SLIT2: variants seen among roughly 807,000 people sequenced by gnomAD.
SLIT2 encodes the protein slit homolog 2 protein.
A neutral mutation model predicts 185.7 loss-of-function variants in SLIT2; 41 were observed. The ratio of observed to expected loss-of-function variants is 0.22; its 90% CI spans 0.17 to 0.29. The LOEUF is 0.29. Among genes scored for constraint, SLIT2 ranks in the 10% least tolerant of loss-of-function variants. The pLI is 1.00. For missense variants in SLIT2, 1,571 were observed against 1,909.0 expected (o/e 0.82, Z 3.30); for synonymous variants, 693 against 680.2 (o/e 1.02, Z -0.29).
chr4:20,348,911 T>C (rs1366171065), intron 4 of SLIT2, among the ~76,000 whole-genome samples: 1 of 152,190 alleles, frequency 6.6e-6, no homozygotes, highest in Non-Finnish European at 1.5e-5. Context: ...TTAAGTCATA[T>C]GGCTGCTTCT....
At chr4:20,520,891 A>G (rs1720782647) in intron 12 of SLIT2, among the ~76,000 whole-genome samples, 2 of 152,130 alleles carry the variant, frequency 1.3e-5, no homozygotes, top group South Asian at 2.1e-4. Context: ...TAATGACTTT[A>G]TTTGGGTTTC....
chr4:20,490,701 A>T (rs911054348), intron 8 of SLIT2: 2 of 826,866 alleles, frequency 2.4e-6, no homozygotes, highest in Non-Finnish European at 3.9e-6. Context: ...GAATGTTCTC[A>T]ATATGTCTGA....
intron 4 of SLIT2, among the ~76,000 whole-genome samples, chr4:20,393,901 A>T (rs1725661432): frequency 6.6e-6 from 1 of 152,068 alleles, no homozygotes; most frequent in Non-Finnish European, 1.5e-5. Flanking sequence ...GATCACAGAG[A>T]CTGAGGGCAG....
chr4:20,423,274 A>G (rs1386429490), intron 4 of SLIT2, among the ~76,000 whole-genome samples: 1 of 152,136 alleles, frequency 6.6e-6, no homozygotes, highest in African/African-American at 2.4e-5. Context: ...TAAAAACCAG[A>G]AAAGGAGACT....
intron 5 of SLIT2, among the ~76,000 whole-genome samples, chr4:20,473,636 A>G (rs1054224778): frequency 6.6e-6 from 1 of 152,026 alleles, no homozygotes; most frequent in Non-Finnish European, 1.5e-5. Context: ...ATTAGAACCC[A>G]TAGAAGGAAA....
rs114793388 is a variant in SLIT2 at position 20,349,250 on chromosome 4, G to C, written c.395+80369G>C. On this transcript the variant is annotated intron_variant, in intron 4 of 36. Transcript: ENST00000504154. ...TAGTTCCAAATGATGTAAGATTTAC[G>C]TCCTTACTATTAAGTAGCTGTTTGA... 4.6e-3 allele frequency among the ~76,000 whole-genome samples: 694 copies of C among 152,258 alleles called. 10 individuals are homozygous for C. Among genetic ancestry groups the C allele is most frequent in the African/African-American group, 0.016 (674 of 41,554 alleles).
At chr4:20,395,966 A>C (rs2109382928) in intron 4 of SLIT2, among the ~76,000 whole-genome samples, 1 of 152,082 alleles carries the variant, frequency 6.6e-6, no homozygotes, top group South Asian at 2.1e-4. Flanking sequence ...TATAAGTAAA[A>C]TAGTATTTTT....
chr4:20,333,408 A>C (rs923657124), intron 4 of SLIT2, among the ~76,000 whole-genome samples: 2 of 151,784 alleles, frequency 1.3e-5, no homozygotes, highest in African/African-American at 2.4e-5. Flanking sequence ...TTCTTTAAGC[A>C]CTCTTTTTTT....
intron 18 of SLIT2, among the ~76,000 whole-genome samples, chr4:20,537,766 A>G (rs1306674822): frequency 3.9e-5 from 6 of 151,996 alleles, no homozygotes; most frequent in African/African-American, 1.2e-4. Flanking sequence ...TTTGTCTTGG[A>G]GCTATGAAGA....
intron 4 of SLIT2, among the ~76,000 whole-genome samples, chr4:20,391,977 G>A (rs1006718819): frequency 6.6e-6 from 1 of 152,070 alleles, no homozygotes; most frequent in Non-Finnish European, 1.5e-5. Context: ...TCAGTTCAGT[G>A]CAGAGTACTA....
intron 15 of SLIT2, among the ~76,000 whole-genome samples, chr4:20,525,537 G>T (rs184473787): frequency 6.6e-6 from 1 of 152,070 alleles, no homozygotes; most frequent in Non-Finnish European, 1.5e-5. Flanking sequence ...AATTGAGCTG[G>T]TTTTAAAGAC....
intron 4 of SLIT2, among the ~76,000 whole-genome samples, chr4:20,410,141 C>G (rs1242841135): frequency 6.6e-6 from 1 of 151,566 alleles, no homozygotes; most frequent in East Asian, 1.9e-4. Flanking sequence ...AAATCTTTGC[C>G]TGTGCCTATG....
At chr4:20,392,632 G>A (rs1725516847) in intron 4 of SLIT2, among the ~76,000 whole-genome samples, 1 of 152,104 alleles carries the variant, frequency 6.6e-6, no homozygotes, top group Non-Finnish European at 1.5e-5. Context: ...ACATTGTACA[G>A]CTGTATAAAA....
In SLIT2 at chr4:20,310,665, A is replaced by G. The variant is rs192054723; in HGVS notation, c.395+41784A>G. 3.1e-4 allele frequency among the ~76,000 whole-genome samples: 47 copies of G among 152,288 alleles called. No individual in the cohort carries two copies. The East Asian group carries it at 9.1e-3, about 29-fold the overall frequency. On this transcript the variant is annotated intron_variant, in intron 4 of 36. Transcript: ENST00000504154. ...AGTGACTTTGCCCCAATTGCTGCAG[A>G]GTGCTCTATCCTAAACCCACGCCCC...
chr4:20,491,593 A>G (rs1717782550), intron 8 of SLIT2, among the ~76,000 whole-genome samples, 168 bp from the exon 9 acceptor site: 1 of 152,208 alleles, frequency 6.6e-6, no homozygotes, highest in South Asian at 2.1e-4. Context: ...CTGAATATAT[A>G]AATGCATGCC....
intron 33 of SLIT2, among the ~76,000 whole-genome samples, chr4:20,605,373 A>G (rs1728709980): frequency 6.6e-6 from 1 of 152,220 alleles, no homozygotes; most frequent in Non-Finnish European, 1.5e-5. Context: ...ATCCACTTCC[A>G]GTATATAAAC....
intron 4 of SLIT2, among the ~76,000 whole-genome samples, chr4:20,377,007 A>T (rs1724076912): frequency 6.6e-6 from 1 of 152,118 alleles, no homozygotes; most frequent in Non-Finnish European, 1.5e-5. Context: ...TGTACCCTAG[A>T]ACTTAAAGTA....
At chr4:20,598,213 ATAC>A (rs1221184591) in intron 32 of SLIT2, 49 bp from the exon 33 acceptor site, 199 of 1,581,254 alleles carry the variant, frequency 1.3e-4, no homozygotes, top group Non-Finnish European at 1.6e-4. Flanking sequence ...TTCTGATCAA[ATAC>A]GTTTGGTTGC....
At chr4:20,540,495 G>GTAAA (rs889870017) in intron 19 of SLIT2, among the ~76,000 whole-genome samples, 60 of 151,894 alleles carry the variant, frequency 4.0e-4, no homozygotes, top group Admixed American at 2.8e-3. Flanking sequence ...TTCAAGAAAA[G>GTAAA]TAAATAAATA....
Sources: allele counts gnomAD v4.1 joint callset (sites outside exome capture counted in the v4.1 genomes callset), GRCh38; gene constraint gnomAD v4.1.1; transcripts MANE v1.5; gene names NCBI Gene and HGNC (gene_info 2026-07-23, HGNC 2026-07-21).